The following MGA variants were observed in gnomAD, a reference collection of about 807,000 sequenced individuals.
MGA encodes MAX gene-associated protein.
In MGA, 40 loss-of-function variants were observed where a neutral mutation model predicts 261.1. The ratio of observed to expected loss-of-function variants is 0.15; its 90% CI spans 0.12 to 0.20. The LOEUF is 0.20. Among genes scored for constraint, MGA ranks in the 10% least tolerant of loss-of-function variants. The probability of loss-of-function intolerance (pLI) is 1.00; values close to 1 mark genes in which losing one functional copy is unlikely to be tolerated. For missense variants in MGA, 3,397 were observed against 3,630.5 expected (o/e 0.94, Z 1.65); for synonymous variants, 1,302 against 1,290.6 (o/e 1.01, Z -0.19).
chr15:41,622,765 A>G (rs2056337808), intron 1 of MGA, among the ~76,000 whole-genome samples: 1 of 152,038 alleles, frequency 6.6e-6, no homozygotes, highest in East Asian at 1.9e-4. Context: ...AGCCTTTGGT[A>G]TTTTTCTTGG....
rs2059568827 is a variant in MGA at position 41,696,846 on chromosome 15, A to G, written c.1836A>G (p.Gly612=). The G allele has an allele frequency of 2.5e-6, 4 of 1,598,882 alleles. No individual in the cohort carries two copies. Among genetic ancestry groups the G allele is most frequent in the Non-Finnish European group, 3.4e-6 (4 of 1,172,468 alleles). Residue 612 remains glycine (G), a synonymous_variant, in exon 3 of 24, where the codon GGA becomes GGG. Coordinates refer to ENST00000219905, the MANE Select transcript of MGA (RefSeq NM_001164273.2). ...AGAATGCCTCTCCAAATGTCCCTGGAAAAAGAGGAAGGCCACGAAAATTGA... is the reference window on the plus strand; with the variant it reads ...AGAATGCCTCTCCAAATGTCCCTGGGAAAAGAGGAAGGCCACGAAAATTGA...
chr15:41,642,002 C>T (rs1296715486), intron 1 of MGA, among the ~76,000 whole-genome samples: 1 of 151,992 alleles, frequency 6.6e-6, no homozygotes, highest in African/African-American at 2.4e-5. Context: ...CACTTTGTTG[C>T]CCAGACTGGT....
At chr15:41,724,432 G>T (rs2061117677) in intron 9 of MGA, among the ~76,000 whole-genome samples, 1 of 152,116 alleles carries the variant, frequency 6.6e-6, no homozygotes, top group African/African-American at 2.4e-5. Flanking sequence ...ATTCATTGTT[G>T]TATCTGCAAA....
intron 23 of MGA, 73 bp downstream of exon 23, chr15:41,765,135 C>T (rs1312916660): frequency 1.3e-6 from 2 of 1,512,016 alleles, no homozygotes; most frequent in Admixed American, 1.7e-5. Flanking sequence ...CCAAGGAAGG[C>T]TTTGGATGTG....
intron 9 of MGA, among the ~76,000 whole-genome samples, chr15:41,715,485 T>C (rs2060585992): frequency 6.6e-6 from 1 of 152,190 alleles, no homozygotes; most frequent in Non-Finnish European, 1.5e-5. Flanking sequence ...TATTTAATTA[T>C]ATTTCTTCTA....
upstream of MGA, among the ~76,000 whole-genome samples, chr15:41,656,340 T>TCTC (rs1555403715): frequency 5.9e-5 from 4 of 68,222 alleles, no homozygotes; most frequent in African/African-American, 1.2e-4. Context: ...CTCCCTCTCC[T>TCTC]CTCTTCTCTC....
In MGA at chr15:41,769,012, A is replaced by G. The variant is rs922883913; in HGVS notation, c.*1732A>G. 2 of 152,638 alleles carry G rather than the reference A, an allele frequency of 1.3e-5. No individual in the cohort carries two copies. Among genetic ancestry groups the G allele is most frequent in the African/African-American group, 4.8e-5 (2 of 41,458 alleles). 9.5% of individuals were successfully genotyped at this position (152,638 alleles called of 1,614,324 possible). A position where few individuals can be genotyped will look rare whatever the true frequency, so the allele number is the denominator to read the frequency against. ...TTACTAAAGAAGCCTGAAGTAGGTAAAGAGTGCTCCTCAGCTTCTTATCCT... is the reference window on the plus strand; with the variant it reads ...TTACTAAAGAAGCCTGAAGTAGGTAGAGAGTGCTCCTCAGCTTCTTATCCT... On this transcript the variant is annotated 3_prime_UTR_variant, in exon 24 of 24. Transcript: ENST00000219905.
At chr15:41,744,856 A>G (rs1185970034) in intron 15 of MGA, among the ~76,000 whole-genome samples, 1 of 152,074 alleles carries the variant, frequency 6.6e-6, no homozygotes, top group Non-Finnish European at 1.5e-5. Flanking sequence ...CTGCTTTTTT[A>G]TATGTAAATG....
Position 41,633,468 on chromosome 15 carries a change from C to T in MGA, c.-68+12170C>T, listed in dbSNP as rs58446606. 3.0e-3 allele frequency among the ~76,000 whole-genome samples: 457 copies of T among 151,884 alleles called. 2 individuals are homozygous for T. The highest frequency in any genetic ancestry group is 0.01 in the African/African-American group (427 of 41,442). ...TCCTGGGCTCAAGTGATCCTCCCAC[C>T]TCTGCCTCCCTAGTAGCTGGGACCA... On this transcript the variant is annotated intron_variant, in intron 1 of 8. Coordinates refer to the MGA transcript ENST00000566718.
chr15:41,758,488 T>TTATA (rs2063269012), intron 19 of MGA, among the ~76,000 whole-genome samples: 1 of 152,170 alleles, frequency 6.6e-6, no homozygotes, highest in Non-Finnish European at 1.5e-5. Context: ...GATTTGGGAC[T>TTATA]TATATGATAC....
At chr15:41,745,993 AT>A (rs1199158680) in intron 15 of MGA, among the ~76,000 whole-genome samples, 1 of 152,054 alleles carries the variant, frequency 6.6e-6, no homozygotes, top group African/African-American at 2.4e-5. Context: ...AGTGTGTGTA[AT>A]TTTTTTCTCT....
rs755901858 is a variant in MGA, at chr15:41,748,675, T to C, written c.5251T>C (p.Ser1751Pro). The stretch of plus-strand genomic sequence containing the variant: ...AATTCCAGTGGCTACTCCACAGGTC[T>C]CTCCTAACACAGTGAAACGTGCTGG... The change falls in exon 16 of 24, where the codon TCT becomes CCT. Residue 1751 changes from serine (S) to proline (P), a missense_variant. Physicochemically the swap from Ser to Pro is moderately conservative, Grantham distance 74. Coordinates refer to ENST00000219905, the MANE Select transcript of MGA (RefSeq NM_001164273.2). 12 of 1,613,422 alleles carry C rather than the reference T, an allele frequency of 7.4e-6. No homozygotes were observed. In the Middle Eastern group the frequency reaches 4.9e-4, roughly 66 times the overall value.
chr15:41,741,153 C>T (rs1365465802), intron 14 of MGA, among the ~76,000 whole-genome samples: 1 of 152,034 alleles, frequency 6.6e-6, no homozygotes, highest in Non-Finnish European at 1.5e-5. Context: ...TAGAGACCAT[C>T]CTGGCCAACA....
chr15:41,646,126 A>G (rs1325488852), intron 1 of MGA, among the ~76,000 whole-genome samples: 1 of 152,138 alleles, frequency 6.6e-6, no homozygotes, highest in African/African-American at 2.4e-5. Flanking sequence ...AAATAAACTG[A>G]AAAAGTTTAT....
chr15:41,761,636 A>T, intron 20 of MGA, 103 bp from the exon 21 acceptor site: 3 of 598,954 alleles, frequency 5.0e-6, no homozygotes, highest in Non-Finnish European at 5.7e-6. Context: ...TTCTCTTAAG[A>T]TGTCAGATTA....
At chr15:41,628,775 T>C (rs999375345) in intron 1 of MGA, among the ~76,000 whole-genome samples, 5 of 152,318 alleles carry the variant, frequency 3.3e-5, no homozygotes, top group African/African-American at 7.2e-5. Flanking sequence ...ATGGTATTCA[T>C]TGGACAGTTT....
chr15:41,746,720 A>AT (rs1354778370), intron 15 of MGA, among the ~76,000 whole-genome samples: 2 of 151,788 alleles, frequency 1.3e-5, no homozygotes, highest in Non-Finnish European at 2.9e-5. Flanking sequence ...GAAATTTGAT[A>AT]TTTTTTTGTG....
At chr15:41,721,861 G>C (rs987973655) in intron 9 of MGA, among the ~76,000 whole-genome samples, 1 of 152,092 alleles carries the variant, frequency 6.6e-6, no homozygotes, top group Non-Finnish European at 1.5e-5. Context: ...AGAGTAACAA[G>C]CAGAACTGTA....
chr15:41,757,930 C>T (rs577217386), intron 19 of MGA, 91 bp downstream of exon 19: 106 of 1,106,780 alleles, frequency 9.6e-5, no homozygotes, highest in South Asian at 6.6e-4. Context: ...ATATTAGCCA[C>T]GATTTTTTCT....
Sources: gnomAD v4.1 joint callset for allele counts (sites outside exome capture counted in the v4.1 genomes callset) on GRCh38, gnomAD v4.1.1 for gene constraint, MANE v1.5 for transcripts, NCBI Gene and HGNC (gene_info 2026-07-23, HGNC 2026-07-21) for gene names.